The following ACACA variants were observed in gnomAD, a reference collection of about 807,000 sequenced individuals.
The protein encoded by ACACA is acetyl-CoA carboxylase 1.
ACACA carries 103 observed loss-of-function variants against 296.1 expected under a neutral mutation model. The observed-to-expected ratio is 0.35, with a 90% confidence interval of 0.30 to 0.41. ACACA has a LOEUF of 0.41. Ranked by LOEUF, ACACA falls within the 10% of genes least tolerant of loss-of-function variation. The pLI, the probability that ACACA is intolerant of heterozygous loss-of-function variation, is 1.00. For synonymous variants in ACACA, 953 were observed against 1,038.6 expected, an observed-to-expected ratio of 0.92 and a Z score of 1.58; for missense variants, 1,554 against 2,989.7, an observed-to-expected ratio of 0.52 and a Z score of 11.20.
At chr17:37,163,379 T>C (rs764267671) in intron 41 of ACACA, among the ~76,000 whole-genome samples, 8 of 152,058 alleles carry the variant, frequency 5.3e-5, no homozygotes, top group Non-Finnish European at 1.2e-4. Context: ...GCCATGCTTA[T>C]AGAGCCTGCA....
intron 55 of ACACA, among the ~76,000 whole-genome samples, chr17:37,088,335 AAG>A (rs995806090): frequency 2.6e-5 from 4 of 152,350 alleles, no homozygotes; most frequent in Non-Finnish European, 4.4e-5. Flanking sequence ...GTAGTTCAGA[AAG>A]AGGAAAAATG....
chr17:37,151,234 A>G, intron 44 of ACACA, 67 bp downstream of exon 44: 38 of 1,593,470 alleles, frequency 2.4e-5, no homozygotes, highest in Non-Finnish European at 3.3e-5. Context: ...TAGCAGTGAT[A>G]AGAGAAAAAA....
intron 50 of ACACA, among the ~76,000 whole-genome samples, chr17:37,121,098 C>T (rs540978883): frequency 1.3e-4 from 19 of 151,906 alleles, no homozygotes; most frequent in African/African-American, 4.6e-4. Flanking sequence ...CAGCATCCAT[C>T]TGTGAGAGCG....
In ACACA at chr17:37,207,901, G is replaced by A. The variant is rs2078579203; in HGVS notation, c.3708-101C>T. 1.3e-5 allele frequency: 19 copies of A among 1,419,370 alleles called. 1 individual carries two copies. The South Asian group carries it at 2.1e-4, about 16-fold the overall frequency. 87.9% of individuals were successfully genotyped at this position (1,419,370 alleles called of 1,614,324 possible). On this transcript the variant is annotated intron_variant, in intron 30 of 55. Transcript: ENST00000616317. The stretch of plus-strand genomic sequence containing the variant: ...GGAACTAGGAGAAAACTCTGAAGTA[G>A]GGTCAGGTTGCAGAGCAGATTTGGT...
At chr17:37,194,464 G>A (rs1180501422) in intron 35 of ACACA, among the ~76,000 whole-genome samples, 1 of 152,118 alleles carries the variant, frequency 6.6e-6, no homozygotes, top group Admixed American at 6.5e-5. Context: ...TATATGCTCA[G>A]AATCACAGAG....
intron 3 of ACACA, among the ~76,000 whole-genome samples, chr17:37,303,718 C>T (rs2083738473): frequency 6.6e-6 from 1 of 152,142 alleles, no homozygotes; most frequent in African/African-American, 2.4e-5. Context: ...ATTACCTGGG[C>T]ATGGTGGCAG....
At chr17:37,105,498 A>G (rs1291747338) in intron 52 of ACACA, among the ~76,000 whole-genome samples, 1 of 151,840 alleles carries the variant, frequency 6.6e-6, no homozygotes, top group African/African-American at 2.4e-5. Context: ...CAAAACCAAA[A>G]CAGTTATACT....
In ACACA at chr17:37,303,072, A is replaced by C. The variant is rs376476172; in HGVS notation, c.339-18102T>G. 4.7e-4 allele frequency among the ~76,000 whole-genome samples: 71 copies of C among 152,312 alleles called. No individual in the cohort carries two copies. In the Middle Eastern group the frequency reaches 0.014, roughly 29 times the overall value. ...CAGCCTCCCAAGTAGCTGGGACTACAGGAACGTGCACCACGCATGGCAATT... is the reference window on the plus strand; with the variant it reads ...CAGCCTCCCAAGTAGCTGGGACTACCGGAACGTGCACCACGCATGGCAATT... On this transcript the variant is annotated intron_variant, in intron 3 of 55. Transcript: ENST00000616317.
At chr17:37,377,960 T>C in intron 1 of ACACA, 1 of 1,612,850 alleles carries the variant, frequency 6.2e-7, no homozygotes, top group South Asian at 1.1e-5. Context: ...GAATTGCAAA[T>C]GCAAGGTAGG....
intron 35 of ACACA, among the ~76,000 whole-genome samples, chr17:37,194,285 C>G (rs2077891477): frequency 1.3e-5 from 2 of 151,994 alleles, no homozygotes; most frequent in Non-Finnish European, 2.9e-5. Context: ...GGCAGAGAGA[C>G]CGGGACTAGC....
At chr17:37,221,504 G>C in intron 29 of ACACA, 1 of 603,382 alleles carries the variant, frequency 1.7e-6, no homozygotes, top group Admixed American at 2.7e-5. Context: ...AAGCAAGAAT[G>C]AATGGAGTAA....
chr17:37,273,760 T>C (rs2082161988), intron 9 of ACACA, among the ~76,000 whole-genome samples: 1 of 152,216 alleles, frequency 6.6e-6, no homozygotes, highest in Non-Finnish European at 1.5e-5. Context: ...AACATCTCTG[T>C]TCATAATAAA....
chr17:37,295,851 G>T (rs1331840161), intron 3 of ACACA, among the ~76,000 whole-genome samples: 1 of 152,012 alleles, frequency 6.6e-6, no homozygotes, highest in Non-Finnish European at 1.5e-5. Context: ...CTTGAACCCG[G>T]GAGGCAAAGG....
intron 31 of ACACA, 75 bp from the exon 32 acceptor site, chr17:37,206,954 T>A: frequency 7.9e-7 from 1 of 1,261,750 alleles, no homozygotes; most frequent in South Asian, 1.2e-5. Flanking sequence ...GGCAGCTGAG[T>A]CTAAAAGAAT....
At chr17:37,137,805 T>C (rs988305769) in intron 45 of ACACA, among the ~76,000 whole-genome samples, 3 of 152,196 alleles carry the variant, frequency 2.0e-5, no homozygotes, top group Non-Finnish European at 2.9e-5. Flanking sequence ...AGTCATATTA[T>C]GTTAGGAATG....
chr17:37,264,434 C>A (rs546586694), intron 10 of ACACA, among the ~76,000 whole-genome samples: 1 of 152,272 alleles, frequency 6.6e-6, no homozygotes, highest in African/African-American at 2.4e-5. Context: ...TACTGAGATG[C>A]CAACTGTCAA....
At chr17:37,379,748 T>C (rs1480366576) in intron 1 of ACACA, among the ~76,000 whole-genome samples, 7 of 150,090 alleles carry the variant, frequency 4.7e-5, no homozygotes, top group Admixed American at 2.7e-4. Flanking sequence ...CCAGTTAGAA[T>C]GGCAATCATT....
At chr17:37,253,196 TC>T (rs1213352375) in intron 14 of ACACA, among the ~76,000 whole-genome samples, 160 bp from the exon 15 acceptor site, 4 of 152,138 alleles carry the variant, frequency 2.6e-5, no homozygotes, top group African/African-American at 9.7e-5. Context: ...ATTGAGACCA[TC>T]CTGGCTAACA....
intron 55 of ACACA, among the ~76,000 whole-genome samples, chr17:37,088,641 T>G (rs959678060): frequency 6.6e-6 from 1 of 152,180 alleles, no homozygotes; most frequent in South Asian, 2.1e-4. Context: ...CACAATCAGC[T>G]TTCCTCCCAG....
Sources: allele counts gnomAD v4.1 joint callset (sites outside exome capture counted in the v4.1 genomes callset), GRCh38; gene constraint gnomAD v4.1.1; transcripts MANE v1.5; gene names NCBI Gene and HGNC (gene_info 2026-07-23, HGNC 2026-07-21).